Variants in UNC79 observed in about 807,000 individuals in gnomAD.
The protein encoded by UNC79 is protein unc-79 homolog.
Under a neutral mutation model 283.1 loss-of-function variants are expected in UNC79, and 37 were observed. That is an observed-to-expected ratio of 0.13 (90% CI 0.10 to 0.17). The LOEUF (loss-of-function observed/expected upper bound fraction) is 0.17, where lower values mean the gene tolerates loss of function less well. Ranked by LOEUF, UNC79 falls within the 10% of genes least tolerant of loss-of-function variation. The pLI, the probability that UNC79 is intolerant of heterozygous loss-of-function variation, is 1.00. For synonymous variants in UNC79, 1,107 were observed against 1,200.2 expected (o/e 0.92, Z 1.61); for missense variants, 2,272 against 3,211.1 (o/e 0.71, Z 7.07).
intron 1 of UNC79, among the ~76,000 whole-genome samples, chr14:93,387,919 G>A (rs2054811291): frequency 6.6e-6 from 1 of 152,058 alleles, no homozygotes; most frequent in African/African-American, 2.4e-5. Flanking sequence ...CCCATTATTG[G>A]GTGCATATGT....
intron 1 of UNC79, among the ~76,000 whole-genome samples, chr14:93,393,418 G>A (rs1025188317): frequency 6.6e-6 from 1 of 152,110 alleles, no homozygotes; most frequent in African/African-American, 2.4e-5. Context: ...GAGACTAAAG[G>A]TTACAGTTCT....
Position 93,340,181 on chromosome 14 carries a change from G to T in UNC79, c.-351+6658G>T, listed in dbSNP as rs12885345. 2.0e-5 allele frequency among the ~76,000 whole-genome samples: 3 copies of T among 152,142 alleles called. No homozygotes were observed. In the East Asian group the frequency reaches 5.8e-4, roughly 29 times the overall value. ...ACCTATGCTGGGTGCGGTGGCTCAT[G>T]CCTGTAATCCCAGCACTTTGGTAGG... is the stretch of plus-strand genomic sequence containing the variant. On this transcript the variant is annotated intron_variant, in intron 1 of 49. Transcript: ENST00000256339.
At chr14:93,362,569 C>T (rs1401859660) in intron 1 of UNC79, among the ~76,000 whole-genome samples, 2 of 151,946 alleles carry the variant, frequency 1.3e-5, no homozygotes, top group African/African-American at 2.4e-5. Flanking sequence ...GGCTAGTCTC[C>T]AACTCCTGAC....
At chr14:93,564,934 G>T (rs1186324415) in intron 14 of UNC79, among the ~76,000 whole-genome samples, 1 of 152,152 alleles carries the variant, frequency 6.6e-6, no homozygotes, top group Non-Finnish European at 1.5e-5. Context: ...AGGTCACAGG[G>T]GTTACGATGG....
intron 5 of UNC79, among the ~76,000 whole-genome samples, chr14:93,491,823 C>G (rs2058741207): frequency 6.6e-6 from 1 of 152,172 alleles, no homozygotes; most frequent in Admixed American, 6.5e-5. Context: ...AAATCTGTAT[C>G]TTCATTTGTT....
At chr14:93,345,730 AC>A (rs537463699) in intron 1 of UNC79, among the ~76,000 whole-genome samples, 2 of 152,224 alleles carry the variant, frequency 1.3e-5, no homozygotes, top group East Asian at 3.9e-4. Context: ...TAGGTTGAGA[AC>A]AAAGAAAACA....
chr14:93,537,705 C>A (rs76212189), intron 11 of UNC79, among the ~76,000 whole-genome samples: 1 of 152,134 alleles, frequency 6.6e-6, no homozygotes, highest in African/African-American at 2.4e-5. Context: ...TCCTCCTCCT[C>A]GCTCCCCCCA....
At position 93,430,865 on chromosome 14, in the gene UNC79, A is replaced by G. The variant is rs74823798; in HGVS notation, c.-165A>G. ...TTCCGGGACCGAATTCTGCAATTTG[A>G]TGTGCGTTTTGTCCGAATGGTAGCG... On this transcript the variant is annotated 5_prime_UTR_variant, in exon 1 of 49. Transcript: ENST00000555664. The surrounding 1 kb of genome is among the most constrained non-coding windows in gnomAD (Gnocchi z 4.6). 6.1e-6 allele frequency: 3 copies of G among 490,740 alleles called. No individual in the cohort carries two copies. The East Asian group carries it at 1.1e-4, about 18-fold the overall frequency. 30.4% of individuals were successfully genotyped at this position (490,740 alleles called of 1,614,324 possible). A position where few individuals can be genotyped will look rare whatever the true frequency, so the allele number is the denominator to read the frequency against.
intron 1 of UNC79, among the ~76,000 whole-genome samples, chr14:93,350,036 T>A (rs2053952576): frequency 6.6e-6 from 1 of 152,196 alleles, no homozygotes; most frequent in African/African-American, 2.4e-5. Context: ...TGTTGAATAT[T>A]TGGGTCATTT....
At chr14:93,579,238 A>C (rs534567917) in intron 18 of UNC79, among the ~76,000 whole-genome samples, 1 of 152,344 alleles carries the variant, frequency 6.6e-6, no homozygotes, top group Admixed American at 6.5e-5. Context: ...ACCTTAACCA[A>C]GAGACCAAAA....
intron 41 of UNC79, among the ~76,000 whole-genome samples, chr14:93,678,875 T>G (rs2073587326): frequency 6.6e-6 from 1 of 152,226 alleles, no homozygotes; most frequent in African/African-American, 2.4e-5. Context: ...ATTTGCTGAA[T>G]AGAAAAATGT....
chr14:93,348,893 C>T (rs1054015930), intron 1 of UNC79, among the ~76,000 whole-genome samples: 2 of 152,314 alleles, frequency 1.3e-5, no homozygotes, highest in Non-Finnish European at 2.9e-5. Context: ...AACATAGTAC[C>T]TGAAACAATA....
intron 1 of UNC79, among the ~76,000 whole-genome samples, chr14:93,443,447 G>A (rs1198731642): frequency 7.8e-6 from 1 of 127,706 alleles, no homozygotes; most frequent in Non-Finnish European, 1.6e-5. Flanking sequence ...TTCTCAAGAC[G>A]GACTCTTGCT....
At chr14:93,509,690 G>A (rs1424352779) in intron 7 of UNC79, among the ~76,000 whole-genome samples, 1 of 151,994 alleles carries the variant, frequency 6.6e-6, no homozygotes, top group East Asian at 1.9e-4. Context: ...GGCTCCCAAG[G>A]CCTTGGGCAG....
chr14:93,552,146 A>G (rs1456150904), intron 14 of UNC79, among the ~76,000 whole-genome samples: 1 of 152,266 alleles, frequency 6.6e-6, no homozygotes, highest in East Asian at 1.9e-4. Context: ...GTCCAGTTTA[A>G]TAATGCTATG....
chr14:93,562,713 G>A (rs748823499), intron 14 of UNC79, among the ~76,000 whole-genome samples: 3 of 152,136 alleles, frequency 2.0e-5, no homozygotes, highest in Admixed American at 6.5e-5. Flanking sequence ...GAGGTGGGAA[G>A]GCCAAACCGA....
intron 22 of UNC79, among the ~76,000 whole-genome samples, chr14:93,589,347 G>A (rs964684512): frequency 2.0e-5 from 3 of 152,074 alleles, no homozygotes; most frequent in South Asian, 2.1e-4. Context: ...TCCATTCTAC[G>A]ATTGAAAGCA....
chr14:93,445,985 A>G (rs1049923339), intron 1 of UNC79, among the ~76,000 whole-genome samples: 2 of 151,784 alleles, frequency 1.3e-5, no homozygotes, highest in African/African-American at 4.8e-5. Flanking sequence ...TTCCTCTTTT[A>G]TTTCTGATAT....
intron 1 of UNC79, among the ~76,000 whole-genome samples, chr14:93,417,011 G>A (rs1177995392): frequency 6.6e-6 from 1 of 152,080 alleles, no homozygotes; most frequent in Non-Finnish European, 1.5e-5. Flanking sequence ...GGAGCATTTA[G>A]TCCATTTACA....
Sources: allele counts gnomAD v4.1 joint callset (sites outside exome capture counted in the v4.1 genomes callset), GRCh38; gene constraint gnomAD v4.1.1; non-coding constraint Gnocchi (gnomAD v3.1); transcripts MANE v1.5; gene names NCBI Gene and HGNC (gene_info 2026-07-23, HGNC 2026-07-21).